Variants in PRKCA observed in about 807,000 individuals in gnomAD.
The protein encoded by PRKCA is protein kinase C alpha type.
PRKCA carries 27 observed loss-of-function variants against 87.0 expected under a neutral mutation model. The observed-to-expected ratio is 0.31, with a 90% confidence interval of 0.23 to 0.43. The LOEUF (loss-of-function observed/expected upper bound fraction) is 0.43, where lower values mean the gene tolerates loss of function less well. Ranked by LOEUF, PRKCA falls within the 20% of genes least tolerant of loss-of-function variation. PRKCA has a pLI of 1.00. For synonymous variants in PRKCA, 329 were observed against 311.1 expected (o/e 1.06, Z -0.61); for missense variants, 518 against 852.3 (o/e 0.61, Z 4.88).
chr17:66,612,025 C>T (rs1331686352), intron 3 of PRKCA, among the ~76,000 whole-genome samples: 1 of 151,330 alleles, frequency 6.6e-6, no homozygotes, highest in East Asian at 1.9e-4. Context: ...TTTATCTTAC[C>T]ATTGATGGGA....
At chr17:66,675,638 G>A (rs899679160) in intron 5 of PRKCA, among the ~76,000 whole-genome samples, 1 of 152,194 alleles carries the variant, frequency 6.6e-6, no homozygotes, top group South Asian at 2.1e-4. Flanking sequence ...TAGAGAGAAT[G>A]GAGAATGCCC....
intron 3 of PRKCA, among the ~76,000 whole-genome samples, chr17:66,511,060 AT>A (rs59846176): frequency 6.6e-6 from 1 of 151,842 alleles, no homozygotes; most frequent in South Asian, 2.1e-4. Context: ...TAGGTGAGGC[AT>A]TTTTTTTCGT....
chr17:66,454,647 A>G (rs139072132), intron 2 of PRKCA, among the ~76,000 whole-genome samples: 287 of 152,326 alleles, frequency 1.9e-3, no homozygotes, highest in Middle Eastern at 6.8e-3. Context: ...GAGCCAAGCG[A>G]AACAAGTTTC....
At chr17:66,349,795 G>A (rs1375422473) in intron 2 of PRKCA, among the ~76,000 whole-genome samples, 2 of 152,088 alleles carry the variant, frequency 1.3e-5, no homozygotes, top group East Asian at 1.9e-4. Flanking sequence ...TGAGTGTTAG[G>A]TGTCTCTTTG....
At chr17:66,725,001 G>C (rs1386729051) in intron 8 of PRKCA, among the ~76,000 whole-genome samples, 1 of 152,166 alleles carries the variant, frequency 6.6e-6, no homozygotes, top group Non-Finnish European at 1.5e-5. Context: ...CTGGATCTTG[G>C]GCAAGCCAGA....
chr17:66,595,176 T>C (rs957893575), intron 3 of PRKCA, among the ~76,000 whole-genome samples: 3 of 152,160 alleles, frequency 2.0e-5, no homozygotes, highest in African/African-American at 7.2e-5. Context: ...TCTTCTTTTT[T>C]AAAAAATTAT....
intron 2 of PRKCA, among the ~76,000 whole-genome samples, chr17:66,401,423 C>T (rs143556886): frequency 2.0e-5 from 3 of 152,242 alleles, no homozygotes; most frequent in African/African-American, 7.2e-5. Flanking sequence ...GCCAAGTGGA[C>T]ATGACATTCA....
In PRKCA at chr17:66,404,771, A is replaced by ATTTTTTT. The variant is rs1445620775; in HGVS notation, c.206-91430_206-91429insTTTTTTT. Among the ~76,000 whole-genome samples, 84 of 9,526 alleles carry ATTTTTTT rather than the reference A, an allele frequency of 8.8e-3. 2 individuals are homozygous for ATTTTTTT. The highest frequency in any genetic ancestry group is 0.019 in the Non-Finnish European group (74 of 3,978). 6.2% of individuals were successfully genotyped at this position (9,526 alleles called of 152,430 possible). On this transcript the variant is annotated intron_variant, in intron 2 of 16. Coordinates refer to ENST00000413366, the MANE Select transcript of PRKCA (RefSeq NM_002737.3). The stretch of plus-strand genomic sequence containing the variant: ...TTTTTTTTTTTTTTTTTTTTTTTTG[A>ATTTTTTT]GACAGCGTTTCACTCTAGTGCAGGC...
chr17:66,338,333 C>A (rs758026187), intron 2 of PRKCA, among the ~76,000 whole-genome samples: 1 of 152,128 alleles, frequency 6.6e-6, no homozygotes, highest in Admixed American at 6.5e-5. Context: ...CGAATGGCCT[C>A]TTTTGACTTA....
chr17:66,719,533 G>A (rs1339103970), intron 8 of PRKCA, among the ~76,000 whole-genome samples: 3 of 152,328 alleles, frequency 2.0e-5, no homozygotes, highest in Non-Finnish European at 4.4e-5. Context: ...CACTTTGGCC[G>A]AGGTGGGTGG....
chr17:66,715,275 G>A (rs1002520095), intron 8 of PRKCA, among the ~76,000 whole-genome samples: 16 of 151,994 alleles, frequency 1.1e-4, no homozygotes, highest in Non-Finnish European at 1.9e-4. Context: ...TGCGTTTTTT[G>A]TTACTGTTTT....
chr17:66,651,993 C>G (rs551229385), intron 5 of PRKCA, among the ~76,000 whole-genome samples: 1 of 152,308 alleles, frequency 6.6e-6, no homozygotes, highest in East Asian at 1.9e-4. Context: ...CAGTCTCACT[C>G]TGTCACCCAG....
At chr17:66,622,183 T>G (rs1391696775) in intron 3 of PRKCA, among the ~76,000 whole-genome samples, 1 of 152,160 alleles carries the variant, frequency 6.6e-6, no homozygotes, top group African/African-American at 2.4e-5. Flanking sequence ...AGAGAGACCT[T>G]GTCTGTCAAA....
intron 3 of PRKCA, among the ~76,000 whole-genome samples, chr17:66,615,043 C>A (rs1311443155): frequency 6.6e-6 from 1 of 152,138 alleles, no homozygotes; most frequent in South Asian, 2.1e-4. Flanking sequence ...ACCATACAAG[C>A]CCAGGGCTTC....
chr17:66,658,530 T>G (rs1315786421), intron 5 of PRKCA, among the ~76,000 whole-genome samples: 1 of 151,906 alleles, frequency 6.6e-6, no homozygotes, highest in Non-Finnish European at 1.5e-5. Flanking sequence ...ACAACAGATC[T>G]CATTATCTTC....
intron 13 of PRKCA, among the ~76,000 whole-genome samples, chr17:66,764,614 TAGC>T (rs1974757348): frequency 6.6e-6 from 1 of 152,188 alleles, no homozygotes; most frequent in Non-Finnish European, 1.5e-5. Flanking sequence ...AAATGACAAA[TAGC>T]AGTAAAATTG....
intron 2 of PRKCA, among the ~76,000 whole-genome samples, chr17:66,344,427 G>A (rs1211174140): frequency 1.3e-5 from 2 of 152,130 alleles, no homozygotes; most frequent in African/African-American, 2.4e-5. Context: ...AGGCTGAGGC[G>A]GGCAGATAGC....
intron 2 of PRKCA, among the ~76,000 whole-genome samples, chr17:66,385,191 G>T: frequency 6.6e-6 from 1 of 152,108 alleles, no homozygotes; most frequent in South Asian, 2.1e-4. Context: ...TCCTTCCCTT[G>T]TCTTACCTTA....
chr17:66,488,340 G>A (rs1198973505), intron 2 of PRKCA, among the ~76,000 whole-genome samples: 2 of 152,144 alleles, frequency 1.3e-5, no homozygotes, highest in Non-Finnish European at 2.9e-5. Context: ...GGTATTTAAT[G>A]GTTCGTGTGA....
Sources: allele counts gnomAD v4.1 joint callset (sites outside exome capture counted in the v4.1 genomes callset), GRCh38; gene constraint gnomAD v4.1.1; transcripts MANE v1.5; gene names NCBI Gene and HGNC (gene_info 2026-07-23, HGNC 2026-07-21).